The following ARID1B variants were observed in gnomAD, a reference collection of about 807,000 sequenced individuals.
The protein encoded by ARID1B is AT-rich interactive domain-containing protein 1B.
In ARID1B, 30 loss-of-function variants were observed where a neutral mutation model predicts 212.3. The ratio of observed to expected loss-of-function variants is 0.14; its 90% confidence interval spans 0.11 to 0.19. The LOEUF (loss-of-function observed/expected upper bound fraction) is 0.19, where lower values mean the gene tolerates loss of function less well. ARID1B is among the 10% of genes least tolerant of loss of function. ARID1B has a pLI of 1.00. For missense variants in ARID1B, 2,891 were observed against 3,204.0 expected, an observed-to-expected ratio of 0.90 and a Z score of 2.36; for synonymous variants, 1,402 against 1,301.7, an observed-to-expected ratio of 1.08 and a Z score of -1.66.
At chr6:157,064,835 C>A (rs564447338) in intron 4 of ARID1B, among the ~76,000 whole-genome samples, 1 of 152,296 alleles carries the variant, frequency 6.6e-6, no homozygotes, top group South Asian at 2.1e-4. Context: ...CCCCGGCTCT[C>A]ACTTTCTCTC....
At chr6:157,137,020 G>T (rs1443534837) in intron 7 of ARID1B, among the ~76,000 whole-genome samples, 1 of 151,944 alleles carries the variant, frequency 6.6e-6, no homozygotes, top group Admixed American at 6.6e-5. Flanking sequence ...TCTACAAAAA[G>T]ATATAAAAAA....
intron 4 of ARID1B, chr6:156,941,589 T>C (rs542364714): frequency 1.5e-4 from 23 of 152,232 alleles, no homozygotes; most frequent in Non-Finnish European, 2.9e-4. Flanking sequence ...GATTATTTCT[T>C]TAGGATGTGA....
At position 157,203,597 on chromosome 6, in the gene ARID1B, C is replaced by T. The variant is rs1165275303; in HGVS notation, c.5264-269C>T. On this transcript the variant is annotated intron_variant, in intron 18 of 19. Transcript: ENST00000636930. The surrounding 1 kb of genome is among the most constrained non-coding windows in gnomAD (Gnocchi z 4.4). ...AAATAACCCGGCCATGAGAAAGGAC[C>T]ATCTGTGCTCAACCACTCCACCTCC... 2.4e-6 allele frequency: 1 copy of T among 414,472 alleles called. No individual in the cohort carries two copies. Among genetic ancestry groups the T allele is most frequent in the African/African-American group, 2.0e-5 (1 of 50,092 alleles). The allele number at this position is 414,472 out of a possible 1,614,324, so 25.7% of individuals were successfully genotyped here.
At position 156,871,638 on chromosome 6, in the gene ARID1B, G is replaced by T. The variant is rs201653711; in HGVS notation, c.1987-29738G>T. 35 of 1,612,612 alleles carry T rather than the reference G, an allele frequency of 2.2e-5. No homozygotes were observed. The highest frequency in any genetic ancestry group is 3.0e-5 in the Non-Finnish European group (35 of 1,179,354). ...GGACTCTGGAGATGCCACATGGAAA[G>T]AAACATTCTGGTTGGCAAGTATCTT... On this transcript the variant is annotated intron_variant, in intron 2 of 19. Coordinates refer to ENST00000636930, the MANE Select transcript of ARID1B (RefSeq NM_001374828.1).
At position 157,201,148 on chromosome 6, in the gene ARID1B, G is replaced by T. The variant is rs1794081844; in HGVS notation, c.4923G>T (p.Gln1641His). Residue 1641 changes from glutamine (Q) to histidine (H), a missense_variant, in exon 18 of 20, where the codon CAG becomes CAT. Around this residue, in one of 7 missense-constraint regions of ARID1B, gnomAD observed 666 missense variants for 873.5 expected, o/e 0.76. Coordinates refer to ENST00000636930, the MANE Select transcript of ARID1B (RefSeq NM_001374828.1). This position sits in a 1 kb window ranked among gnomAD's most constrained non-coding sequence, Gnocchi z 5.2. ...HESQWPSHVSQRQPYMSSSAS... is the reference protein window; with the variant it reads ...HESQWPSHVSHRQPYMSSSAS... The stretch of plus-strand genomic sequence containing the variant: ...GCCAGTGGCCTTCTCACGTCAGCCA[G>T]CGTCAGCCTTATATGTCGTCCTCAG... 6.2e-7 allele frequency: 1 copy of T among 1,614,148 alleles called. No homozygotes were observed. Among genetic ancestry groups the T allele is most frequent in the African/African-American group, 1.3e-5 (1 of 75,048 alleles).
intron 2 of ARID1B, among the ~76,000 whole-genome samples, chr6:156,848,063 T>C (rs1784342464): frequency 6.6e-6 from 1 of 152,236 alleles, no homozygotes; most frequent in Non-Finnish European, 1.5e-5. Flanking sequence ...GCAGTGGTGC[T>C]CATTTAAGGC....
At chr6:157,018,712 T>C in intron 4 of ARID1B, among the ~76,000 whole-genome samples, 1 of 152,356 alleles carries the variant, frequency 6.6e-6, no homozygotes, top group East Asian at 1.9e-4. Flanking sequence ...GCTAAATTAA[T>C]CTGTAGCAAA....
At chr6:157,075,871 A>G (rs1010208036) in intron 4 of ARID1B, among the ~76,000 whole-genome samples, 5 of 152,242 alleles carry the variant, frequency 3.3e-5, no homozygotes, top group Admixed American at 6.5e-5. Flanking sequence ...AGACTGGGAA[A>G]CTGTCACAGA....
At chr6:157,022,530 G>A (rs1372091057) in intron 4 of ARID1B, 4 of 152,200 alleles carry the variant, frequency 2.6e-5, no homozygotes, top group Admixed American at 2.0e-4. Flanking sequence ...AGGTGTTTTA[G>A]GTAGGATGTT....
chr6:156,923,694 A>C (rs1790987726), intron 3 of ARID1B, among the ~76,000 whole-genome samples: 2 of 151,292 alleles, frequency 1.3e-5, no homozygotes, highest in South Asian at 4.2e-4. Flanking sequence ...AAGTTCTATT[A>C]GTTGATTCTC....
At chr6:157,179,182 G>GA (rs1792329339) in intron 11 of ARID1B, among the ~76,000 whole-genome samples, 1 of 151,714 alleles carries the variant, frequency 6.6e-6, no homozygotes, top group Non-Finnish European at 1.5e-5. Flanking sequence ...CCCCAAAGAA[G>GA]AAAAAAACTC....
At chr6:157,096,170 C>T (rs1023815025) in intron 5 of ARID1B, among the ~76,000 whole-genome samples, 14 of 152,350 alleles carry the variant, frequency 9.2e-5, no homozygotes, top group Admixed American at 7.8e-4. Flanking sequence ...ACCCCTGCAG[C>T]CCCGGAGTTC....
rs550384387 is a variant in ARID1B at position 156,884,856 on chromosome 6, T to TC, written c.1987-16514dup. ...GCCCTGGTCAGAAAATATTATCATT[T>TC]CCCCCCAGTTCCTTATACCTTGTCT... On this transcript the variant is annotated intron_variant, in intron 2 of 19. Coordinates refer to ENST00000636930, the MANE Select transcript of ARID1B (RefSeq NM_001374828.1). Among the ~76,000 whole-genome samples, 633 of 152,248 alleles carry TC rather than the reference T, an allele frequency of 4.2e-3. 5 individuals are homozygous for TC. The highest frequency in any genetic ancestry group is 0.037 in the South Asian group (179 of 4,820).
rs557376855 is a variant in ARID1B at position 156,858,960 on chromosome 6, T to A, written c.1986+29539T>A. ...TCAGTGAGTGAGTAGAGGGTGAATGTGAAGGCCTAGGGCATTACTGTACAC... is the reference window on the plus strand; with the variant it reads ...TCAGTGAGTGAGTAGAGGGTGAATGAGAAGGCCTAGGGCATTACTGTACAC... On this transcript the variant is annotated intron_variant, in intron 2 of 19. Transcript: ENST00000636930. 2.6e-5 allele frequency among the ~76,000 whole-genome samples: 4 copies of A among 152,276 alleles called. No homozygotes were observed. The South Asian group carries it at 6.2e-4, about 24-fold the overall frequency.
intron 1 of ARID1B, among the ~76,000 whole-genome samples, chr6:156,808,284 A>G (rs1781319337): frequency 6.6e-6 from 1 of 152,188 alleles, no homozygotes; most frequent in Non-Finnish European, 1.5e-5. Context: ...CAGAAAGGAG[A>G]ACATGTAGTG....
At chr6:157,054,388 A>T (rs1357012640) in intron 4 of ARID1B, among the ~76,000 whole-genome samples, 1 of 152,172 alleles carries the variant, frequency 6.6e-6, no homozygotes, top group Non-Finnish European at 1.5e-5. Flanking sequence ...GCCCAATTAA[A>T]TATTTGGTTT....
chr6:157,012,869 G>A (rs190567025), intron 4 of ARID1B, among the ~76,000 whole-genome samples: 2 of 149,478 alleles, frequency 1.3e-5, no homozygotes, highest in African/African-American at 5.1e-5. Flanking sequence ...ATGGCATGAG[G>A]TTTTGTTTTG....
intron 3 of ARID1B, among the ~76,000 whole-genome samples, chr6:156,915,614 G>T (rs1790286079): frequency 6.6e-6 from 1 of 151,718 alleles, no homozygotes; most frequent in Non-Finnish European, 1.5e-5. Flanking sequence ...ATTTGGTTTT[G>T]GGCGGGCTCA....
intron 1 of ARID1B, among the ~76,000 whole-genome samples, chr6:156,797,023 G>T (rs550617091): frequency 6.6e-6 from 1 of 151,926 alleles, no homozygotes; most frequent in East Asian, 1.9e-4. Context: ...AGTCAGGGTT[G>T]GGTGGGTGGG....
Sources: gnomAD v4.1 joint callset for allele counts (sites outside exome capture counted in the v4.1 genomes callset) on GRCh38, gnomAD v4.1.1 for gene constraint, gnomAD v4.1.1 regional missense constraint, Gnocchi (gnomAD v3.1) non-coding constraint, MANE v1.5 for transcripts, NCBI Gene and HGNC (gene_info 2026-07-23, HGNC 2026-07-21) for gene names.